Variants in PRSS36 observed in about 807,000 individuals in gnomAD.
PRSS36 encodes the protein serine protease 36, also known as polyserase-2.
PRSS36 carries 90 observed loss-of-function variants against 94.3 expected under a neutral mutation model. That is an observed-to-expected ratio of 0.95 (90% CI 0.80 to 1.14). PRSS36 has a LOEUF of 1.14. Ranked by LOEUF, PRSS36 falls within the 50% of genes most tolerant of loss-of-function variation. The probability of loss-of-function intolerance (pLI) is 0.00; values close to 1 mark genes in which losing one functional copy is unlikely to be tolerated. For synonymous variants in PRSS36, 500 were observed against 489.6 expected, an observed-to-expected ratio of 1.02 and a Z score of -0.28; for missense variants, 1,158 against 1,135.0, an observed-to-expected ratio of 1.02 and a Z score of -0.29.
In PRSS36 at chr16:31,149,782, G is replaced by GT. The variant is rs2057869805; in HGVS notation, c.38-52dup. 4 of 1,612,832 alleles carry GT rather than the reference G, an allele frequency of 2.5e-6. No individual in the cohort carries two copies. In the East Asian group the frequency reaches 8.9e-5, roughly 36 times the overall value. ...GAGGCTGGCGACTCGCACTCAGTAT[G>GT]TGCCCTCCCTGACTCCCTCCCCCAG... On this transcript the variant is annotated intron_variant, in intron 1 of 14. Transcript: ENST00000268281.
chr16:31,140,604 C>G lies in PRSS36; in HGVS notation c.2055G>C (p.Leu685=), dbSNP rs371861435. ...ATGGGGAGGGCTCCACCCGGGAGCTCAGCTCCAGGAGGGCCAGGGGGGGCC... is the reference window on the plus strand; with the variant it reads ...ATGGGGAGGGCTCCACCCGGGAGCTGAGCTCCAGGAGGGCCAGGGGGGGCC... ...GLRPPLALLE[L]SSRVEPSPSA... The change falls in exon 13 of 15, where the codon CTG becomes CTC. Residue 685 remains leucine, a synonymous_variant. Transcript: ENST00000268281. 1.2e-6 allele frequency: 2 copies of G among 1,609,982 alleles called. No homozygotes were observed. The highest frequency in any genetic ancestry group is 1.7e-6 in the Non-Finnish European group (2 of 1,177,988).
intron 14 of PRSS36, 51 bp downstream of exon 14, chr16:31,140,243 G>C: frequency 6.4e-7 from 1 of 1,553,788 alleles, no homozygotes. Context: ...GGGTACAGTA[G>C]TCCAACACTG....
intron 10 of PRSS36, 22 bp from the exon 11 acceptor site, chr16:31,141,982 G>A (rs758697968): frequency 6.2e-7 from 1 of 1,602,760 alleles, no homozygotes; most frequent in South Asian, 1.1e-5. Flanking sequence ...AAGTGTGTGT[G>A]TTACTTGCCT....
intron 14 of PRSS36, 96 bp downstream of exon 14, chr16:31,140,198 A>AAAG: frequency 7.1e-7 from 1 of 1,404,010 alleles, no homozygotes; most frequent in South Asian, 1.6e-5. Context: ...TCAAAAAAAA[A>AAAG]AAAAAAAAAA....
chr16:31,145,404 C>CTCAAAAAATAAATTAAATAAA (rs2057783268), intron 6 of PRSS36, among the ~76,000 whole-genome samples: 1 of 147,826 alleles, frequency 6.8e-6, no homozygotes, highest in Non-Finnish European at 1.5e-5. Flanking sequence ...GGAACTCCGT[C>CTCAAAAAATAAATTAAATAAA]TCAAAAAATA....
chr16:31,149,856 T>C (rs1483998461), intron 1 of PRSS36, 125 bp from the exon 2 acceptor site: 12 of 1,528,360 alleles, frequency 7.9e-6, no homozygotes, highest in Non-Finnish European at 1.1e-5. Flanking sequence ...CTCTCCCTCC[T>C]CTGATACATC....
intron 6 of PRSS36, 66 bp downstream of exon 6, chr16:31,145,723 C>T (rs746904636): frequency 6.7e-6 from 10 of 1,488,080 alleles, no homozygotes; most frequent in Non-Finnish European, 9.1e-6. Context: ...GGAGAGATGT[C>T]CTTTATCTAT....
At chr16:31,143,534 A>G (rs2144032316) in intron 7 of PRSS36, 54 bp downstream of exon 7, 1 of 1,609,010 alleles carries the variant, frequency 6.2e-7, no homozygotes, top group Admixed American at 1.7e-5. Context: ...AGCAGTCTCC[A>G]TCCCAACTCA....
At chr16:31,148,947 C>T (rs1270785464) in intron 4 of PRSS36, 126 bp downstream of exon 4, 3 of 1,167,272 alleles carry the variant, frequency 2.6e-6, no homozygotes, top group Non-Finnish European at 3.6e-6. Context: ...AATAGCACCT[C>T]GCTTTGGGGA....
chr16:31,142,710 C>T (rs1452078383), intron 9 of PRSS36, 27 bp downstream of exon 9: 1 of 1,348,486 alleles, frequency 7.4e-7, no homozygotes, highest in African/African-American at 1.5e-5. Context: ...CCGGTGCCGC[C>T]CGGCCCAGCG....
chr16:31,146,058 G>C, intron 5 of PRSS36, 103 bp from the exon 6 acceptor site: 1 of 1,083,656 alleles, frequency 9.2e-7, no homozygotes, highest in Non-Finnish European at 1.3e-6. Context: ...ACATCAGCTA[G>C]ATGCCCCATG....
In PRSS36 at chr16:31,142,599, C is replaced by T. The variant is rs201556735; in HGVS notation, c.1403G>A (p.Gly468Asp). ...GTACAGGCAGTGGCACCACCAGCCGCCTAACAGCTCCGCCTCCAGCAGCGC... is the reference window on the plus strand; with the variant it reads ...GTACAGGCAGTGGCACCACCAGCCGTCTAACAGCTCCGCCTCCAGCAGCGC... ...PGALLEAELL[G>D]GWWCHCLYGR... Residue 468 changes from glycine (G) to aspartate (D), a missense_variant, in exon 10 of 15, where the codon GGC becomes GAC. Gly to Asp is a moderately conservative substitution (Grantham distance 94, BLOSUM62 -1). Transcript: ENST00000268281. 1.7e-3 allele frequency: 2,602 copies of T among 1,517,736 alleles called. 3 individuals are homozygous for T. The highest frequency in any genetic ancestry group is 2.2e-3 in the Non-Finnish European group (2,483 of 1,137,548). 94.0% of individuals were successfully genotyped at this position (1,517,736 alleles called of 1,614,324 possible).
Position 31,142,927 on chromosome 16 carries a change from C to A in PRSS36, c.1167G>T (p.Pro389=). 6.6e-7 allele frequency: 1 copy of A among 1,519,782 alleles called. No homozygotes were observed. The highest frequency in any genetic ancestry group is 8.8e-7 in the Non-Finnish European group (1 of 1,140,414). 94.1% of individuals were successfully genotyped at this position (1,519,782 alleles called of 1,614,324 possible). A position where few individuals can be genotyped will look rare whatever the true frequency, so the allele number is the denominator to read the frequency against. ...DAWRVLLPSR[P]RAERVARLVQ... ...CCAGGCGCGCCACCCGCTCCGCGCG[C>A]GGGCGCGAGGGCAGCAGCACGCGCC... is the stretch of plus-strand genomic sequence containing the variant. The change falls in exon 9 of 15, where the codon CCG becomes CCT. Residue 389 remains proline, a synonymous_variant. Transcript: ENST00000268281.
chr16:31,149,430 T>C (rs1228366004), intron 3 of PRSS36, 33 bp downstream of exon 3: 1 of 1,612,990 alleles, frequency 6.2e-7, no homozygotes, highest in Non-Finnish European at 8.5e-7. Flanking sequence ...TAGCCTCCTT[T>C]AAGGTCTGAG....
chr16:31,140,139 C>T (rs573168232), intron 14 of PRSS36, among the ~76,000 whole-genome samples, 155 bp downstream of exon 14: 18 of 151,066 alleles, frequency 1.2e-4, no homozygotes, highest in African/African-American at 4.1e-4. Flanking sequence ...TGCAGTGAGC[C>T]GAGATCGCGC....
intron 14 of PRSS36, among the ~76,000 whole-genome samples, chr16:31,139,975 A>G (rs906608483): frequency 6.6e-6 from 1 of 150,752 alleles, no homozygotes; most frequent in Non-Finnish European, 1.5e-5. Context: ...CCGGCGGATC[A>G]CGAGATCAGA....
intron 3 of PRSS36, 67 bp downstream of exon 3, chr16:31,149,396 C>T (rs970099966): frequency 5.7e-6 from 9 of 1,588,022 alleles, no homozygotes; most frequent in Non-Finnish European, 6.9e-6. Flanking sequence ...GTCTTTTCCA[C>T]CTCCCTCATG....
intron 10 of PRSS36, among the ~76,000 whole-genome samples, chr16:31,142,183 C>A (rs1249111754): frequency 6.6e-6 from 1 of 152,230 alleles, no homozygotes; most frequent in African/African-American, 2.4e-5. Context: ...CAGCTCAGAG[C>A]CCGCCTCAGC....
chr16:31,140,909 C>T (rs2057676060), intron 12 of PRSS36, 152 bp from the exon 13 acceptor site: 2 of 826,162 alleles, frequency 2.4e-6, no homozygotes, highest in Admixed American at 2.7e-5. Flanking sequence ...AAACATCTCC[C>T]AGTGCTGTAA....
Sources: gnomAD v4.1 joint callset for allele counts (sites outside exome capture counted in the v4.1 genomes callset) on GRCh38, gnomAD v4.1.1 for gene constraint, MANE v1.5 for transcripts, NCBI Gene and HGNC (gene_info 2026-07-23, HGNC 2026-07-21) for gene names.